HSD17B12: variants seen among roughly 807,000 people sequenced by gnomAD.
HSD17B12 encodes the protein very-long-chain 3-oxoacyl-CoA reductase.
In HSD17B12, 32 loss-of-function variants were observed where a neutral mutation model predicts 39.3. That is an observed-to-expected ratio of 0.81 (90% confidence interval 0.61 to 1.09). The LOEUF is 1.09. Ranked by LOEUF, HSD17B12 falls within the 50% of genes least tolerant of loss-of-function variation. The probability of loss-of-function intolerance (pLI) is 0.00; values close to 1 mark genes in which losing one functional copy is unlikely to be tolerated. For missense variants in HSD17B12, 342 were observed against 382.9 expected (o/e 0.89, Z 0.89); for synonymous variants, 150 against 146.7 (o/e 1.02, Z -0.16).
chr11:43,676,953 C>T (rs562538390), upstream of HSD17B12, among the ~76,000 whole-genome samples: 26 of 152,064 alleles, frequency 1.7e-4, no homozygotes, highest in Admixed American at 6.6e-5. Context: ...GGGGATATAG[C>T]TATACTGTAG....
At chr11:43,581,434 A>C in the HSD17B12 span, 1 of 524,704 alleles carries the variant, frequency 1.9e-6, no homozygotes, top group Non-Finnish European at 3.9e-6. The surrounding 1 kb of genome is among the most constrained non-coding windows in gnomAD (Gnocchi z 4.9). Context: ...CTTGCTGTAC[A>C]TAACTCAATA....
At chr11:43,835,065 G>T (rs997587399) in intron 7 of HSD17B12, among the ~76,000 whole-genome samples, 1 of 152,176 alleles carries the variant, frequency 6.6e-6, no homozygotes, top group Admixed American at 6.5e-5. Context: ...GCTGAAGTAT[G>T]AGCAACATGA....
At chr11:43,690,377 TATATATATATATATA>T (rs1949844392) in intron 1 of HSD17B12, among the ~76,000 whole-genome samples, 5 of 9,984 alleles carry the variant, frequency 5.0e-4, no homozygotes, top group South Asian at 2.8e-3. Context: ...TATATATATA[TATATATATATATATA>T]TATATATATA....
intron 1 of HSD17B12, among the ~76,000 whole-genome samples, chr11:43,703,011 GT>G (rs1949980076): frequency 6.6e-6 from 1 of 151,856 alleles, no homozygotes; most frequent in Admixed American, 6.6e-5. Flanking sequence ...TTGGCCTGTA[GT>G]TTTCCTTTTT....
chr11:43,719,692 A>T (rs899879853), intron 1 of HSD17B12, among the ~76,000 whole-genome samples: 5 of 151,232 alleles, frequency 3.3e-5, no homozygotes, highest in Non-Finnish European at 7.4e-5. Context: ...TCCCTAGTAC[A>T]TTGTTTTGTA....
intron 1 of HSD17B12, among the ~76,000 whole-genome samples, chr11:43,727,143 T>C (rs1468974279): frequency 6.6e-6 from 1 of 152,206 alleles, no homozygotes; most frequent in African/African-American, 2.4e-5. Context: ...AGATAGCATA[T>C]GGTAGAAAGA....
At chr11:43,653,980 A>T in the HSD17B12 span, among the ~76,000 whole-genome samples, 1 of 152,130 alleles carries the variant, frequency 6.6e-6, no homozygotes, top group East Asian at 1.9e-4. Context: ...ACTGACTTCC[A>T]CAATGGTTGA....
the HSD17B12 span, among the ~76,000 whole-genome samples, chr11:43,623,256 C>T: frequency 1.3e-5 from 2 of 152,084 alleles, no homozygotes; most frequent in Non-Finnish European, 2.9e-5. Flanking sequence ...CTTCCTTTAT[C>T]AGTATAGCTT....
intron 1 of HSD17B12, among the ~76,000 whole-genome samples, chr11:43,725,087 GT>G (rs1357931574): frequency 6.6e-6 from 1 of 152,092 alleles, no homozygotes; most frequent in Non-Finnish European, 1.5e-5. Flanking sequence ...GGAGCTTATA[GT>G]TATTTTAAGA....
At chr11:43,680,662 T>G, upstream of HSD17B12, 1 of 658,096 alleles carries the variant, frequency 1.5e-6, no homozygotes, top group Non-Finnish European at 2.8e-6. Flanking sequence ...GAAAGACGGG[T>G]CACCAATAGC....
chr11:43,763,339 C>T (rs1308094637), intron 3 of HSD17B12, among the ~76,000 whole-genome samples: 3 of 151,962 alleles, frequency 2.0e-5, no homozygotes, highest in Non-Finnish European at 4.4e-5. Flanking sequence ...GTTCGAAAAT[C>T]ATTCAACAAC....
intron 1 of HSD17B12, among the ~76,000 whole-genome samples, chr11:43,707,638 G>A (rs1034818624): frequency 6.6e-6 from 1 of 152,160 alleles, no homozygotes; most frequent in African/African-American, 2.4e-5. Flanking sequence ...GATGGGTCTG[G>A]CAGCCATTGA....
At chr11:43,673,201 ATAGAACTACTCCTGATTTCAT>A in the HSD17B12 span, 1 of 152,238 alleles carries the variant, frequency 6.6e-6, no homozygotes, top group South Asian at 2.1e-4. Context: ...CTTTCATTCT[ATAGAACTACTCCTGATTTCAT>A]CAGGAAACTC....
chr11:43,734,404 T>C (rs1950297752), intron 1 of HSD17B12: 3 of 793,110 alleles, frequency 3.8e-6, no homozygotes, highest in Non-Finnish European at 6.8e-6. Flanking sequence ...AGGGTGACTC[T>C]AAGGCAGCCG....
intron 4 of HSD17B12, among the ~76,000 whole-genome samples, chr11:43,810,766 A>G (rs979838753): frequency 6.6e-6 from 1 of 152,140 alleles, no homozygotes; most frequent in Non-Finnish European, 1.5e-5. Flanking sequence ...GATGACATAG[A>G]TATCTGTTGT....
At chr11:43,822,887 G>C (rs946941628) in intron 6 of HSD17B12, among the ~76,000 whole-genome samples, 16 of 152,204 alleles carry the variant, frequency 1.1e-4, no homozygotes, top group Middle Eastern at 3.4e-3. Flanking sequence ...TGTAGTTCTA[G>C]ATCTCTGGGA....
the HSD17B12 span, among the ~76,000 whole-genome samples, chr11:43,580,009 T>C: frequency 6.7e-6 from 1 of 149,276 alleles, no homozygotes; most frequent in Non-Finnish European, 1.5e-5. Flanking sequence ...GGGACTATAC[T>C]GCTAGGGAGG....
intron 3 of HSD17B12, among the ~76,000 whole-genome samples, chr11:43,775,210 G>C (rs1950688059): frequency 6.6e-6 from 1 of 152,212 alleles, no homozygotes; most frequent in African/African-American, 2.4e-5. Context: ...TGGCGCCTGA[G>C]CCTTAGATGA....
At chr11:43,722,008 T>G (rs1189133400) in intron 1 of HSD17B12, among the ~76,000 whole-genome samples, 1 of 151,832 alleles carries the variant, frequency 6.6e-6, no homozygotes, top group African/African-American at 2.4e-5. Context: ...CTTTTAGGAG[T>G]GAGAAGTGGT....
Sources: allele counts gnomAD v4.1 joint callset (sites outside exome capture counted in the v4.1 genomes callset), GRCh38; gene constraint gnomAD v4.1.1; non-coding constraint Gnocchi (gnomAD v3.1); transcripts MANE v1.5; gene names NCBI Gene and HGNC (gene_info 2026-07-23, HGNC 2026-07-21).